The following TWSG1 variants were observed in gnomAD, a reference collection of about 807,000 sequenced individuals.
TWSG1 encodes the protein twisted gastrulation protein homolog 1.
TWSG1 carries 15 observed loss-of-function variants against 23.0 expected under a neutral mutation model. The observed-to-expected ratio is 0.65, with a 90% CI of 0.44 to 1.00. The LOEUF (loss-of-function observed/expected upper bound fraction) is 1.00. Ranked by LOEUF, TWSG1 falls within the 50% of genes least tolerant of loss-of-function variation. The probability of loss-of-function intolerance (pLI) is 0.00; values close to 1 mark genes in which losing one functional copy is unlikely to be tolerated. For missense variants in TWSG1, 242 were observed against 278.7 expected (o/e 0.87, Z 0.94); for synonymous variants, 86 against 92.8 (o/e 0.93, Z 0.42).
intron 3 of TWSG1, 124 bp from the exon 4 acceptor site, chr18:9,396,147 CAAAAAAAAA>C (rs58754446): frequency 1.1e-4 from 54 of 474,200 alleles, no homozygotes; most frequent in Admixed American, 2.4e-4. Flanking sequence ...GCTCACCCAG[CAAAAAAAAA>C]AAAAAAAAAA....
chr18:9,385,176 C>T (rs1469759284), intron 3 of TWSG1, among the ~76,000 whole-genome samples: 2 of 152,076 alleles, frequency 1.3e-5, no homozygotes, highest in Non-Finnish European at 2.9e-5. Flanking sequence ...CTCCTCCATT[C>T]GTCAGAAAAA....
intron 2 of TWSG1, among the ~76,000 whole-genome samples, chr18:9,337,834 G>T (rs1394798347): frequency 6.6e-6 from 1 of 152,192 alleles, no homozygotes; most frequent in African/African-American, 2.4e-5. Flanking sequence ...CCTGGAATCT[G>T]GGAGCAGTTT....
At chr18:9,359,638 G>A (rs374714293) in intron 2 of TWSG1, among the ~76,000 whole-genome samples, 4 of 152,276 alleles carry the variant, frequency 2.6e-5, no homozygotes, top group Non-Finnish European at 4.4e-5. Context: ...TTTGGACAAC[G>A]AATATAATAG....
chr18:9,373,509 C>T (rs2040615671), intron 3 of TWSG1, among the ~76,000 whole-genome samples: 1 of 152,140 alleles, frequency 6.6e-6, no homozygotes, highest in Non-Finnish European at 1.5e-5. Context: ...ACTGTCCAAC[C>T]TGAGTGACAG....
intron 3 of TWSG1, among the ~76,000 whole-genome samples, chr18:9,392,434 G>A (rs1209821879): frequency 6.6e-6 from 1 of 152,200 alleles, no homozygotes; most frequent in African/African-American, 2.4e-5. Context: ...ACCTCTCTCA[G>A]CCTTCACATA....
chr18:9,366,315 A>G (rs776272744), intron 3 of TWSG1, among the ~76,000 whole-genome samples: 1 of 152,206 alleles, frequency 6.6e-6, no homozygotes, highest in Non-Finnish European at 1.5e-5. Context: ...GCTGTGGTGA[A>G]TGGAAGAAAG....
chr18:9,395,526 A>G (rs919129147), intron 3 of TWSG1, among the ~76,000 whole-genome samples: 3 of 152,174 alleles, frequency 2.0e-5, no homozygotes, highest in African/African-American at 7.2e-5. Context: ...TTATTTATAT[A>G]TAAGAACTTA....
At chr18:9,352,156 T>C (rs1245633465) in intron 2 of TWSG1, among the ~76,000 whole-genome samples, 1 of 152,132 alleles carries the variant, frequency 6.6e-6, no homozygotes, top group African/African-American at 2.4e-5. Flanking sequence ...TTTTCCAGAA[T>C]GTTATATAAA....
chr18:9,376,855 T>G (rs796625045), intron 3 of TWSG1, among the ~76,000 whole-genome samples: 26 of 151,240 alleles, frequency 1.7e-4, no homozygotes, highest in African/African-American at 6.3e-4. Context: ...AAAAAAGTAT[T>G]AGGCCTATGA....
intron 3 of TWSG1, among the ~76,000 whole-genome samples, chr18:9,373,929 A>C (rs549056640): frequency 3.0e-4 from 45 of 152,356 alleles, no homozygotes; most frequent in African/African-American, 1.1e-3. Flanking sequence ...AAAATATGTG[A>C]AGATTAAGCA....
chr18:9,357,811 C>A (rs540571993), intron 2 of TWSG1, among the ~76,000 whole-genome samples: 3 of 144,908 alleles, frequency 2.1e-5, no homozygotes, highest in African/African-American at 7.5e-5. Context: ...TGGCTAGTTA[C>A]ATTATGCCAT....
intron 3 of TWSG1, among the ~76,000 whole-genome samples, chr18:9,361,324 C>G (rs1201403462): frequency 1.3e-5 from 2 of 151,904 alleles, no homozygotes; most frequent in Non-Finnish European, 2.9e-5. Flanking sequence ...CTTAATTGTA[C>G]TGTTTTGTGG....
At chr18:9,357,698 TTGC>T (rs1208304546) in intron 2 of TWSG1, among the ~76,000 whole-genome samples, 1 of 152,224 alleles carries the variant, frequency 6.6e-6, no homozygotes, top group Non-Finnish European at 1.5e-5. Context: ...AGTAGCACAG[TTGC>T]TGACAGCATA....
chr18:9,357,838 GA>G (rs201025548), intron 2 of TWSG1, among the ~76,000 whole-genome samples: 1 of 89,846 alleles, frequency 1.1e-5, no homozygotes, highest in Non-Finnish European at 2.9e-5. Context: ...GAGGAGCAGG[GA>G]AGGGGGGGGA....
intron 2 of TWSG1, among the ~76,000 whole-genome samples, chr18:9,346,646 C>T (rs2040478676): frequency 6.6e-6 from 1 of 152,108 alleles, no homozygotes; most frequent in South Asian, 2.1e-4. Context: ...CACCTGTAGT[C>T]CTAGCTAACT....
chr18:9,347,168 G>A (rs1336525260), intron 2 of TWSG1, among the ~76,000 whole-genome samples: 1 of 151,972 alleles, frequency 6.6e-6, no homozygotes, highest in African/African-American at 2.4e-5. Flanking sequence ...TTTTTAATTG[G>A]GTTGTTTACT....
intron 3 of TWSG1, among the ~76,000 whole-genome samples, chr18:9,381,036 A>G (rs1426262069): frequency 6.6e-6 from 1 of 152,176 alleles, no homozygotes; most frequent in Non-Finnish European, 1.5e-5. Flanking sequence ...AGACAATTAT[A>G]ATGTTGATTT....
At chr18:9,396,244 A>G in intron 3 of TWSG1, 36 bp from the exon 4 acceptor site, 2 of 1,598,508 alleles carry the variant, frequency 1.3e-6, no homozygotes, top group Non-Finnish European at 1.7e-6. Flanking sequence ...GCAAGGCAGT[A>G]ACTAACAAAA....
intron 3 of TWSG1, among the ~76,000 whole-genome samples, chr18:9,392,489 T>A (rs952863804): frequency 5.3e-5 from 8 of 152,368 alleles, no homozygotes; most frequent in African/African-American, 1.9e-4. Context: ...AAGGGAATAT[T>A]TTGGCTGGTT....
Sources: gnomAD v4.1 joint callset for allele counts (sites outside exome capture counted in the v4.1 genomes callset) on GRCh38, gnomAD v4.1.1 for gene constraint, MANE v1.5 for transcripts, NCBI Gene and HGNC (gene_info 2026-07-23, HGNC 2026-07-21) for gene names.